ITGA2B: variants seen among roughly 807,000 people sequenced by gnomAD.
ITGA2B encodes integrin subunit alpha 2b.
In ITGA2B, 91 loss-of-function variants were observed where a neutral mutation model predicts 142.0. The ratio of observed to expected loss-of-function variants is 0.64; its 90% CI spans 0.54 to 0.76. The LOEUF is 0.76. Ranked by LOEUF, ITGA2B falls within the 30% of genes least tolerant of loss-of-function variation. The pLI, the probability that ITGA2B is intolerant of heterozygous loss-of-function variation, is 0.00. For missense variants in ITGA2B, 1,231 were observed against 1,350.8 expected, an observed-to-expected ratio of 0.91 and a Z score of 1.39; for synonymous variants, 536 against 567.2, an observed-to-expected ratio of 0.94 and a Z score of 0.78.
At chr17:44,377,189 A>T in intron 21 of ITGA2B, 101 bp from the exon 22 acceptor site, 1 of 828,224 alleles carries the variant, frequency 1.2e-6, no homozygotes, top group Non-Finnish European at 1.9e-6. Context: ...GATCACCACT[A>T]TTCTTTTTCT....
At chr17:44,384,279 G>A (rs918323248) in intron 9 of ITGA2B, 32 bp downstream of exon 9, 11 of 1,612,524 alleles carry the variant, frequency 6.8e-6, no homozygotes, top group Non-Finnish European at 9.3e-6. Flanking sequence ...GGGATAAGGG[G>A]CTTCGGGAGG....
intron 29 of ITGA2B, among the ~76,000 whole-genome samples, chr17:44,372,691 C>T (rs1398496162): frequency 2.6e-5 from 4 of 151,970 alleles, no homozygotes; most frequent in African/African-American, 4.8e-5. Flanking sequence ...TGTAGTGGCT[C>T]GATCTCGGCT....
rs77992265 is a variant in ITGA2B, at chr17:44,372,214, G to T, written c.*150C>A. The T allele has an allele frequency of 8.7e-4, 636 of 734,916 alleles. 2 individuals carry two copies. In the East Asian group the frequency reaches 0.013, roughly 15 times the overall value. 45.5% of individuals were successfully genotyped at this position (734,916 alleles called of 1,614,324 possible). A position where few individuals can be genotyped will look rare whatever the true frequency, so the allele number is the denominator to read the frequency against. On this transcript the variant is annotated 3_prime_UTR_variant, in exon 30 of 30. Transcript: ENST00000262407. The stretch of plus-strand genomic sequence containing the variant: ...CAGTCTCTTTATTAGGCAGCAGGAG[G>T]GGGGGTAGCCCAGCTCTGTTGGGAG...
Position 44,379,700 on chromosome 17 carries a change from C to G in ITGA2B, c.1867G>C (p.Val623Leu), listed in dbSNP as rs1247593423. Residue 623 changes from valine to leucine, a missense_variant, in exon 18 of 30, where the codon GTG (valine) becomes CTG (leucine). Val to Leu is a conservative substitution (Grantham distance 32). Coordinates refer to ENST00000262407, the MANE Select transcript of ITGA2B (RefSeq NM_000419.5). ...CTGCCTGTCCCTACCTGCTCCTGCA[C>G]ATGGGTGTCTCCATGCAGCACGACA... The part of the protein sequence containing the change: ...PAVVLHGDTH[V>L]QEQTRIVLDC... 1 of 1,613,902 alleles carries G rather than the reference C, an allele frequency of 6.2e-7. No individual in the cohort carries two copies. The highest frequency in any genetic ancestry group is 2.2e-5 in the East Asian group (1 of 44,850).
chr17:44,386,315 A>G (rs1247142269), intron 1 of ITGA2B, among the ~76,000 whole-genome samples, 184 bp from the exon 2 acceptor site: 1 of 152,240 alleles, frequency 6.6e-6, no homozygotes, highest in Non-Finnish European at 1.5e-5. Context: ...ACCGACTCTC[A>G]GCGAGGGCAA....
chr17:44,388,719 A>T lies in ITGA2B; in HGVS notation c.188+567T>A, dbSNP rs568664880. On this transcript the variant is annotated intron_variant, in intron 1 of 29. Coordinates refer to ENST00000262407, the MANE Select transcript of ITGA2B (RefSeq NM_000419.5). ...TTTTTAATAGAGACAGGGTTTCACC[A>T]TATTGGCCAGGCTGGTCTTGAACTC... 4.6e-5 allele frequency among the ~76,000 whole-genome samples: 7 copies of T among 151,526 alleles called. No individual in the cohort carries two copies. In the East Asian group the frequency reaches 1.4e-3, roughly 29 times the overall value.
chr17:44,380,678 G>A (rs371169055), intron 13 of ITGA2B, 33 bp from the exon 14 acceptor site: 12 of 1,613,940 alleles, frequency 7.4e-6, no homozygotes, highest in African/African-American at 2.7e-5. Flanking sequence ...CAGAATTGGC[G>A]ATTAGGGCAT....
Position 44,384,958 on chromosome 17 carries a change from G to T in ITGA2B, c.789C>A (p.Asp263Glu). 6.2e-7 allele frequency: 1 copy of T among 1,614,138 alleles called. No homozygotes were observed. The highest frequency in any genetic ancestry group is 1.1e-5 in the South Asian group (1 of 91,072). Reference protein sequence around the residue: ...SFDSSNPEYFDGYWGYSVAVG... With the variant: ...SFDSSNPEYFEGYWGYSVAVG... The stretch of plus-strand genomic sequence containing the variant: ...GAATGGCGGTGTTACCCCAGTAGCC[G>T]TCGAAGTACTCTGGGTTGCTGGAGT... Residue 263 changes from aspartate to glutamate, a missense_variant, in exon 7 of 30, where the codon GAC (aspartate) becomes GAA (glutamate). By Grantham distance (45) the Asp-to-Glu change is conservative (BLOSUM62 2). Transcript: ENST00000262407.
At chr17:44,384,700 A>C in intron 7 of ITGA2B, 115 bp from the exon 8 acceptor site, 2 of 1,369,852 alleles carry the variant, frequency 1.5e-6, no homozygotes, top group Non-Finnish European at 2.1e-6. Context: ...GTGCAGATGG[A>C]AAAACGGAGG....
chr17:44,388,049 C>T (rs2048665693), intron 1 of ITGA2B, among the ~76,000 whole-genome samples: 1 of 151,952 alleles, frequency 6.6e-6, no homozygotes, highest in Non-Finnish European at 1.5e-5. Flanking sequence ...AAGTGGCTGA[C>T]ACTTGAAGGC....
At position 44,372,279 on chromosome 17, in the gene ITGA2B, C is replaced by T; in HGVS notation, c.*85G>A. The T allele has an allele frequency of 6.9e-7, 1 of 1,441,380 alleles. No individual in the cohort carries two copies. The highest frequency in any genetic ancestry group is 1.7e-5 in the Admixed American group (1 of 59,390). 89.3% of individuals were successfully genotyped at this position (1,441,380 alleles called of 1,614,324 possible). A position where few individuals can be genotyped will look rare whatever the true frequency, so the allele number is the denominator to read the frequency against. On this transcript the variant is annotated 3_prime_UTR_variant, in exon 30 of 30. Transcript: ENST00000262407. ...GAGGACCCAATGGAACAGCTCCAAC[C>T]CAAAGCTTGGAGGCAACTTGTTGGA...
At position 44,385,859 on chromosome 17, in the gene ITGA2B, C is replaced by G. The variant is rs1379677986; in HGVS notation, c.373G>C (p.Gly125Arg). 9.3e-6 allele frequency: 15 copies of G among 1,606,078 alleles called. No individual in the cohort carries two copies. Among genetic ancestry groups the G allele is most frequent in the Non-Finnish European group, 1.2e-5 (14 of 1,175,844 alleles). ...LQTFKARQGL[G>R]ASVVSWSDVI... ...TCGCTCCAGCTGACGACCGACGCCC[C>G]CAGTCCTTGGCGGGCCTTGAAGGTT... The change falls in exon 3 of 30, where the codon GGG becomes CGG. Residue 125 changes from glycine (G) to arginine (R), a missense_variant. By Grantham distance (125) the Gly-to-Arg change is moderately radical. Coordinates refer to ENST00000262407, the MANE Select transcript of ITGA2B (RefSeq NM_000419.5).
At chr17:44,387,921 C>T (rs535850951) in intron 1 of ITGA2B, among the ~76,000 whole-genome samples, 2 of 152,124 alleles carry the variant, frequency 1.3e-5, no homozygotes, top group South Asian at 4.2e-4. Context: ...AAATGCCTCC[C>T]CCACACCTGC....
At chr17:44,374,286 C>T in intron 29 of ITGA2B, 68 bp downstream of exon 29, 2 of 1,399,100 alleles carry the variant, frequency 1.4e-6, no homozygotes, top group Non-Finnish European at 2.0e-6. Flanking sequence ...CTCTCCTTGA[C>T]TCCCTGTGAG....
intron 1 of ITGA2B, 47 bp from the exon 2 acceptor site, chr17:44,386,178 C>G (rs775646542): frequency 1.9e-5 from 29 of 1,548,650 alleles, no homozygotes; most frequent in Non-Finnish European, 2.3e-5. Context: ...CAGCGTATCC[C>G]AGGCCCTGGC....
intron 12 of ITGA2B, among the ~76,000 whole-genome samples, chr17:44,382,675 G>A (rs1031356134): frequency 6.6e-6 from 1 of 152,034 alleles, no homozygotes; most frequent in African/African-American, 2.4e-5. Context: ...ACCATGCCTG[G>A]CACCCTCTTC....
At chr17:44,383,811 A>G (rs1321501221) in intron 11 of ITGA2B, 83 bp downstream of exon 11, 7 of 1,579,786 alleles carry the variant, frequency 4.4e-6, no homozygotes, top group Middle Eastern at 2.0e-4. Flanking sequence ...GATACGTGAG[A>G]CTAGGGCTAG....
chr17:44,378,926 G>A (rs2048568996), intron 18 of ITGA2B, among the ~76,000 whole-genome samples: 1 of 152,038 alleles, frequency 6.6e-6, no homozygotes, highest in African/African-American at 2.4e-5. Context: ...TCAGAGCTTA[G>A]GGGATACTGG....
intron 12 of ITGA2B, among the ~76,000 whole-genome samples, chr17:44,382,851 CCT>C (rs544215696): frequency 3.3e-4 from 50 of 152,234 alleles, no homozygotes; most frequent in African/African-American, 1.0e-3. Flanking sequence ...TCTGGACACT[CCT>C]CTGTCTCCTT....
Sources: gnomAD v4.1 joint callset for allele counts (sites outside exome capture counted in the v4.1 genomes callset) on GRCh38, gnomAD v4.1.1 for gene constraint, MANE v1.5 for transcripts, NCBI Gene and HGNC (gene_info 2026-07-23, HGNC 2026-07-21) for gene names.